Variants in RAB18 observed in about 807,000 individuals in gnomAD.
The protein encoded by RAB18 is RAB18, member RAS oncogene family, also known as ras-related protein Rab-18.
A neutral mutation model predicts 28.5 loss-of-function variants in RAB18; 10 were observed. The observed-to-expected ratio is 0.35, with a 90% CI of 0.22 to 0.60. The LOEUF (loss-of-function observed/expected upper bound fraction) is 0.60. Among genes scored for constraint, RAB18 ranks in the 20% least tolerant of loss-of-function variants. The pLI is 0.78. For synonymous variants in RAB18, 93 were observed against 86.9 expected (o/e 1.07, Z -0.39); for missense variants, 188 against 244.2 (o/e 0.77, Z 1.53).
At position 27,539,976 on chromosome 10, in the gene RAB18, A is replaced by G. The variant is rs1462142149; in HGVS notation, c.*1925A>G. 4.4e-6 allele frequency: 2 copies of G among 453,270 alleles called. No individual in the cohort carries two copies. The highest frequency in any genetic ancestry group is 6.9e-5 in the East Asian group (1 of 14,406). The allele number at this position is 453,270 out of a possible 1,614,324, so 28.1% of individuals were successfully genotyped here. A position where few individuals can be genotyped will look rare whatever the true frequency, so the allele number is the denominator to read the frequency against. ...TTGTAGTGGAGGTTTTGTAAATGAA[A>G]CAGTTGTAATATCTAAGGTCAGGCA... On this transcript the variant is annotated 3_prime_UTR_variant, in exon 7 of 7. Transcript: ENST00000356940.
At chr10:27,535,244 C>T (rs1286361144) in intron 6 of RAB18, among the ~76,000 whole-genome samples, 1 of 152,078 alleles carries the variant, frequency 6.6e-6, no homozygotes, top group African/African-American at 2.4e-5. Flanking sequence ...TTCCTTAAAA[C>T]ATTATGAGAT....
In RAB18 at chr10:27,539,979, G is replaced by A. The variant is rs1351762873; in HGVS notation, c.*1928G>A. 2.2e-6 allele frequency: 1 copy of A among 453,662 alleles called. No individual in the cohort carries two copies. Among genetic ancestry groups the A allele is most frequent in the Non-Finnish European group, 4.4e-6 (1 of 226,648 alleles). The allele number at this position is 453,662 out of a possible 1,614,324, so 28.1% of individuals were successfully genotyped here. On this transcript the variant is annotated 3_prime_UTR_variant, in exon 7 of 7. Transcript: ENST00000356940. ...TAGTGGAGGTTTTGTAAATGAAACA[G>A]TTGTAATATCTAAGGTCAGGCACCT...
intron 2 of RAB18, 49 bp downstream of exon 2, chr10:27,509,979 C>T (rs771458316): frequency 1.7e-5 from 25 of 1,463,838 alleles, no homozygotes; most frequent in African/African-American, 2.8e-5. Flanking sequence ...ATTTTCTTGC[C>T]TTTGGCCTTT....
intron 1 of RAB18, 120 bp from the exon 2 acceptor site, chr10:27,509,755 A>G: frequency 1.3e-6 from 1 of 797,176 alleles, no homozygotes. Flanking sequence ...TCCTAGGAAC[A>G]GGCCTACATC....
chr10:27,532,444 TAAAC>T lies in RAB18; in HGVS notation c.187-62_187-59del, dbSNP rs916779299. ...GTAATGCTGTTTGACTTTCTACTCT[TAAAC>T]TAGTATATTGAAGGTCTATTTATAC... is the stretch of plus-strand genomic sequence containing the variant. On this transcript the variant is annotated intron_variant, in intron 3 of 6. Transcript: ENST00000356940. The T allele has an allele frequency of 3.5e-5, 43 of 1,243,762 alleles. No individual in the cohort carries two copies. The Middle Eastern group carries it at 7.8e-4, about 23-fold the overall frequency. The allele number at this position is 1,243,762 out of a possible 1,614,324, so 77.0% of individuals were successfully genotyped here.
chr10:27,524,079 C>CAAAA (rs1269280628), intron 2 of RAB18, among the ~76,000 whole-genome samples: 1 of 146,798 alleles, frequency 6.8e-6, no homozygotes, highest in Non-Finnish European at 1.5e-5. Context: ...GACTCCGTCT[C>CAAAA]AAAAAAAAAA....
intron 3 of RAB18, chr10:27,528,350 G>A (rs763593469): frequency 2.1e-6 from 1 of 484,106 alleles, no homozygotes; most frequent in Non-Finnish European, 4.1e-6. Context: ...AATAATACAG[G>A]GTCATTCTAA....
At chr10:27,513,764 A>T (rs971865256) in intron 2 of RAB18, among the ~76,000 whole-genome samples, 4 of 152,168 alleles carry the variant, frequency 2.6e-5, no homozygotes, top group Non-Finnish European at 5.9e-5. Context: ...ACAACAAGAA[A>T]CACCCATGAA....
At chr10:27,534,339 A>G (rs768772465) in intron 6 of RAB18, among the ~76,000 whole-genome samples, 3 of 152,236 alleles carry the variant, frequency 2.0e-5, no homozygotes, top group Non-Finnish European at 4.4e-5. Context: ...GCTTCAGCTC[A>G]GGCCCTACCC....
At chr10:27,518,881 T>C (rs1195956646) in intron 2 of RAB18, among the ~76,000 whole-genome samples, 2 of 152,114 alleles carry the variant, frequency 1.3e-5, no homozygotes, top group East Asian at 1.9e-4. Flanking sequence ...CTTCCAGAAG[T>C]CTTATAGTTT....
Position 27,542,017 on chromosome 10 carries a change from A to G in RAB18, c.*3966A>G, listed in dbSNP as rs1010614210. Reference sequence around the variant, plus strand: ...GTTTGCCTAGGCTTTTTCAGGAGCAATTGAAGACATCTTGTTGGAGATAGT... The same window carrying G: ...GTTTGCCTAGGCTTTTTCAGGAGCAGTTGAAGACATCTTGTTGGAGATAGT... On this transcript the variant is annotated 3_prime_UTR_variant, in exon 7 of 7. Coordinates refer to ENST00000356940, the MANE Select transcript of RAB18 (RefSeq NM_021252.5). 3.1e-5 allele frequency: 14 copies of G among 454,002 alleles called. No individual in the cohort carries two copies. Among genetic ancestry groups the G allele is most frequent in the Non-Finnish European group, 4.9e-5 (11 of 226,802 alleles). 28.1% of individuals were successfully genotyped at this position (454,002 alleles called of 1,614,324 possible).
At chr10:27,508,549 G>T (rs533685007) in intron 1 of RAB18, among the ~76,000 whole-genome samples, 2 of 152,190 alleles carry the variant, frequency 1.3e-5, no homozygotes, top group Non-Finnish European at 2.9e-5. Flanking sequence ...AATTTTATAG[G>T]TAGTCTTTAA....
intron 2 of RAB18, among the ~76,000 whole-genome samples, chr10:27,514,538 G>A (rs1482621407): frequency 6.6e-6 from 1 of 152,026 alleles, no homozygotes; most frequent in Non-Finnish European, 1.5e-5. Context: ...AATACAATAA[G>A]AGACAGAGTC....
At chr10:27,535,940 G>A (rs1445455129) in intron 6 of RAB18, among the ~76,000 whole-genome samples, 8 of 152,070 alleles carry the variant, frequency 5.3e-5, no homozygotes, top group Admixed American at 1.3e-4. Flanking sequence ...AAAATTCACC[G>A]GGCGTGGTGG....
chr10:27,521,868 T>G (rs974622408), intron 2 of RAB18, among the ~76,000 whole-genome samples: 5 of 151,056 alleles, frequency 3.3e-5, no homozygotes, highest in Non-Finnish European at 7.4e-5. Context: ...TAGGATAAAG[T>G]ATATGGGAGG....
intron 3 of RAB18, among the ~76,000 whole-genome samples, chr10:27,530,001 T>G (rs1589583546): frequency 6.6e-6 from 1 of 152,176 alleles, no homozygotes; most frequent in Middle Eastern, 3.4e-3. Context: ...GTTTTTACTT[T>G]TAAAACATCA....
Position 27,541,442 on chromosome 10 carries a change from A to G in RAB18, c.*3391A>G, listed in dbSNP as rs2132421620. 1 of 452,492 alleles carries G rather than the reference A, an allele frequency of 2.2e-6. No homozygotes were observed. Among genetic ancestry groups the G allele is most frequent in the African/African-American group, 2.0e-5 (1 of 49,456 alleles). The allele number at this position is 452,492 out of a possible 1,614,324, so 28.0% of individuals were successfully genotyped here. A position where few individuals can be genotyped will look rare whatever the true frequency, so the allele number is the denominator to read the frequency against. ...CTTTACATTTTACTGTTTTGTTGCT[A>G]GCTTATTGTTTCATACTTGGGAATC... On this transcript the variant is annotated 3_prime_UTR_variant, in exon 7 of 7. Transcript: ENST00000356940.
rs951338344 is a variant in RAB18 at position 27,539,204 on chromosome 10, T to C, written c.*1153T>C. The C allele has an allele frequency of 3.0e-6, 1 of 335,128 alleles. No homozygotes were observed. Among genetic ancestry groups the C allele is most frequent in the African/African-American group, 2.2e-5 (1 of 46,324 alleles). The allele number at this position is 335,128 out of a possible 1,614,324, so 20.8% of individuals were successfully genotyped here. A position where few individuals can be genotyped will look rare whatever the true frequency, so the allele number is the denominator to read the frequency against. On this transcript the variant is annotated 3_prime_UTR_variant, in exon 7 of 7. Transcript: ENST00000356940. ...TTGCTATTGTATATTGTAGATTTTT[T>C]TCATTCATGTGTTATTTAATTTACA...
intron 1 of RAB18, among the ~76,000 whole-genome samples, chr10:27,506,618 G>T (rs1189633669): frequency 1.3e-5 from 2 of 151,856 alleles, no homozygotes; most frequent in East Asian, 3.9e-4. Context: ...CACCACAACC[G>T]GCCCTACTTC....
Sources: allele counts gnomAD v4.1 joint callset (sites outside exome capture counted in the v4.1 genomes callset), GRCh38; gene constraint gnomAD v4.1.1; transcripts MANE v1.5; gene names NCBI Gene and HGNC (gene_info 2026-07-23, HGNC 2026-07-21).